Variants in COPG2 observed in about 807,000 individuals in gnomAD.
COPG2 encodes coat protein complex I subunit gamma 2, also known as coatomer subunit gamma-2.
A neutral mutation model predicts 46.3 loss-of-function variants in COPG2; 37 were observed. The observed-to-expected ratio is 0.80, with a 90% CI of 0.61 to 1.05. COPG2 has a LOEUF of 1.05. Ranked by LOEUF, COPG2 falls within the 50% of genes least tolerant of loss-of-function variation. The pLI is 0.00. For missense variants in COPG2, 427 were observed against 387.8 expected, an observed-to-expected ratio of 1.10 and a Z score of -0.85; for synonymous variants, 159 against 129.7, an observed-to-expected ratio of 1.23 and a Z score of -1.53.
At chr7:130,658,076 T>C (rs1554460143) in intron 4 of COPG2, among the ~76,000 whole-genome samples, 1 of 152,132 alleles carries the variant, frequency 6.6e-6, no homozygotes, top group Non-Finnish European at 1.5e-5. Flanking sequence ...TGTATGTTCA[T>C]CCAAAAATCA....
intron 9 of COPG2, among the ~76,000 whole-genome samples, chr7:130,601,468 T>G (rs910093130): frequency 7.2e-5 from 11 of 152,202 alleles, no homozygotes; most frequent in African/African-American, 2.7e-4. Flanking sequence ...ATACACCATG[T>G]AATACTATGC....
chr7:130,612,114 T>C lies in COPG2; in HGVS notation c.579+38A>G, dbSNP rs1794860215. The stretch of plus-strand genomic sequence containing the variant: ...CCTACAATACAGGTTTAAAGAATGC[T>C]GATCCTGAGACAAGCTAATGTGATT... On this transcript the variant is annotated intron_variant, in intron 8 of 23. Coordinates refer to ENST00000425248, the MANE Select transcript of COPG2 (RefSeq NM_012133.6). The C allele has an allele frequency of 2.1e-6, 3 of 1,432,024 alleles. No individual in the cohort carries two copies. In the East Asian group the frequency reaches 6.8e-5, roughly 33 times the overall value. 88.7% of individuals were successfully genotyped at this position (1,432,024 alleles called of 1,614,324 possible).
chr7:130,615,071 C>CA (rs1384742410), intron 6 of COPG2, among the ~76,000 whole-genome samples: 1 of 152,134 alleles, frequency 6.6e-6, no homozygotes, highest in Non-Finnish European at 1.5e-5. Context: ...TGAGAGAAGT[C>CA]AAAAAGGATG....
chr7:130,662,976 T>C lies in COPG2; in HGVS notation c.234A>G (p.Gln78=). 5 of 1,545,220 alleles carry C rather than the reference T, an allele frequency of 3.2e-6. No individual in the cohort carries two copies. Among genetic ancestry groups the C allele is most frequent in the Non-Finnish European group, 4.4e-6 (5 of 1,143,830 alleles). ...ATTTAAAAAGACTTACATCATTAGA[T>C]TGAAACAATCGCGTCATTGCAAAGA... The part of the protein sequence containing the change: ...EAFFAMTRLF[Q]SNDQTLRRMC... The change falls in exon 4 of 24, where the codon CAA becomes CAG. Residue 78 remains glutamine, a synonymous_variant. Coordinates refer to ENST00000425248, the MANE Select transcript of COPG2 (RefSeq NM_012133.6).
chr7:130,585,180 G>A (rs1053967050), intron 9 of COPG2, among the ~76,000 whole-genome samples: 1 of 151,974 alleles, frequency 6.6e-6, no homozygotes, highest in Non-Finnish European at 1.5e-5. Context: ...ACAGCCAACT[G>A]ATCTTTGACA....
At position 130,553,004 on chromosome 7, in the gene COPG2, G is replaced by A. The variant is rs1002171587; in HGVS notation, c.1469-574C>T. Among the ~76,000 whole-genome samples, 6 of 152,282 alleles carry A rather than the reference G, an allele frequency of 3.9e-5. No homozygotes were observed. In the East Asian group the frequency reaches 5.8e-4, roughly 15 times the overall value. ...GAATACACAGAAAGGAACTAAATCCGAATTGGTGGTGGAAAACTAAGACAA... is the reference window on the plus strand; with the variant it reads ...GAATACACAGAAAGGAACTAAATCCAAATTGGTGGTGGAAAACTAAGACAA... On this transcript the variant is annotated intron_variant, in intron 14 of 23. Coordinates refer to ENST00000425248, the MANE Select transcript of COPG2 (RefSeq NM_012133.6).
intron 16 of COPG2, 87 bp from the exon 17 acceptor site, chr7:130,550,736 C>G: frequency 2.6e-6 from 1 of 382,824 alleles, no homozygotes; most frequent in Non-Finnish European, 4.6e-6. Flanking sequence ...TTTATCTAAG[C>G]TTTCTGAAGG....
chr7:130,593,677 A>G (rs1164644270), intron 9 of COPG2, among the ~76,000 whole-genome samples: 10 of 152,228 alleles, frequency 6.6e-5, no homozygotes, highest in Admixed American at 5.2e-4. Flanking sequence ...GTATAGACAC[A>G]TATTTCAACT....
intron 5 of COPG2, among the ~76,000 whole-genome samples, chr7:130,646,328 A>G (rs481739): frequency 6.6e-6 from 1 of 152,300 alleles, no homozygotes; most frequent in South Asian, 2.1e-4. Flanking sequence ...TTCTTAATAC[A>G]ACTTATCCAT....
rs1416940518 is a variant in COPG2, at chr7:130,513,353, GTGTGTGTATATATATATATATA to G, written c.2150-4716_2150-4695del. Among the ~76,000 whole-genome samples, 152 of 41,848 alleles carry G rather than the reference GTGTGTGTATATATATATATATA, an allele frequency of 3.6e-3. 1 individual carries two copies. The highest frequency in any genetic ancestry group is 0.016 in the South Asian group (18 of 1,122). 27.5% of individuals were successfully genotyped at this position (41,848 alleles called of 152,430 possible). On this transcript the variant is annotated intron_variant, in intron 20 of 23. Coordinates refer to ENST00000425248, the MANE Select transcript of COPG2 (RefSeq NM_012133.6). ...TATATATATATATATGTGTGTGTGT[GTGTGTGTATATATATATATATA>G]TGTGTGTGTGTGTGTATATATATAT...
At position 130,583,189 on chromosome 7, in the gene COPG2, T is replaced by C. The variant is rs373389437; in HGVS notation, c.738-18796A>G. 2.6e-3 allele frequency among the ~76,000 whole-genome samples: 395 copies of C among 151,594 alleles called. 4 individuals are homozygous for C. The highest frequency in any genetic ancestry group is 4.3e-3 in the Non-Finnish European group (295 of 67,836). On this transcript the variant is annotated intron_variant, in intron 9 of 23. Transcript: ENST00000425248. The stretch of plus-strand genomic sequence containing the variant: ...GCCATAAAAAATGATGAGTTCATGT[T>C]CTTTGTAGGGACATGGATGAAATTG...
In COPG2 at chr7:130,584,763, G is replaced by T. The variant is rs572047915; in HGVS notation, c.738-20370C>A. On this transcript the variant is annotated intron_variant, in intron 9 of 23. Transcript: ENST00000425248. The stretch of plus-strand genomic sequence containing the variant: ...AATATATCTAACCAAGGAGGTGAAA[G>T]GCCTCTACAAGGAAAACTACAAAAC... Among the ~76,000 whole-genome samples the T allele has an allele frequency of 5.9e-5, 9 of 151,972 alleles. 1 individual carries two copies. The South Asian group carries it at 1.9e-3, about 32-fold the overall frequency.
intron 20 of COPG2, among the ~76,000 whole-genome samples, chr7:130,524,385 G>A (rs1262344526): frequency 6.6e-6 from 1 of 152,186 alleles, no homozygotes; most frequent in African/African-American, 2.4e-5. Context: ...GTGCTATGCA[G>A]TAGAGGAGGA....
intron 3 of COPG2, among the ~76,000 whole-genome samples, chr7:130,665,838 A>G (rs1377203510): frequency 6.7e-6 from 1 of 149,944 alleles, no homozygotes; most frequent in African/African-American, 2.4e-5. Context: ...TCTGGGGCAA[A>G]AAAAAAAAAA....
intron 23 of COPG2, 102 bp downstream of exon 23, chr7:130,507,172 T>C (rs1041194542): frequency 2.5e-4 from 183 of 726,572 alleles, no homozygotes; most frequent in Non-Finnish European, 4.1e-4. Flanking sequence ...GTTACTCATA[T>C]AATGGGATGA....
intron 20 of COPG2, among the ~76,000 whole-genome samples, chr7:130,509,508 G>A (rs1272885752): frequency 2.0e-5 from 3 of 152,194 alleles, no homozygotes; most frequent in South Asian, 2.1e-4. Flanking sequence ...TAGGCAAGGA[G>A]AGGAAAGAAC....
rs1347668568 is a variant in COPG2, at chr7:130,588,102, T to A, written c.737+22851A>T. On this transcript the variant is annotated intron_variant, in intron 9 of 23. Coordinates refer to ENST00000425248, the MANE Select transcript of COPG2 (RefSeq NM_012133.6). ...AAATCAAAACCACAATGAGATACCATCTCACAACAGTTAGAATGGCAATCA... is the reference window on the plus strand; with the variant it reads ...AAATCAAAACCACAATGAGATACCAACTCACAACAGTTAGAATGGCAATCA... Among the ~76,000 whole-genome samples the A allele has an allele frequency of 2.6e-4, 39 of 151,274 alleles. No homozygotes were observed. The South Asian group carries it at 4.4e-3, about 17-fold the overall frequency.
At chr7:130,556,834 A>G (rs1793633990) in intron 12 of COPG2, among the ~76,000 whole-genome samples, 1 of 152,056 alleles carries the variant, frequency 6.6e-6, no homozygotes, top group African/African-American at 2.4e-5. Context: ...CCTAATAAAC[A>G]TTCTTGAAAA....
chr7:130,537,909 C>T (rs1799896974), intron 20 of COPG2, among the ~76,000 whole-genome samples: 1 of 152,000 alleles, frequency 6.6e-6, no homozygotes, highest in African/African-American at 2.4e-5. Flanking sequence ...CATTGAGGAC[C>T]GTGTGTCAAT....
Sources: gnomAD v4.1 joint callset for allele counts (sites outside exome capture counted in the v4.1 genomes callset) on GRCh38, gnomAD v4.1.1 for gene constraint, MANE v1.5 for transcripts, NCBI Gene and HGNC (gene_info 2026-07-23, HGNC 2026-07-21) for gene names.